MATN2: variants seen among roughly 807,000 people sequenced by gnomAD.
MATN2 encodes matrilin 2.
Under a neutral mutation model 103.2 loss-of-function variants are expected in MATN2, and 69 were observed. The observed-to-expected ratio is 0.67, with a 90% CI of 0.55 to 0.82. The LOEUF (loss-of-function observed/expected upper bound fraction) is 0.82, where lower values mean the gene tolerates loss of function less well. Among genes scored for constraint, MATN2 ranks in the 40% least tolerant of loss-of-function variants. The pLI, the probability that MATN2 is intolerant of heterozygous loss-of-function variation, is 0.00. For missense variants in MATN2, 1,023 were observed against 1,211.5 expected, an observed-to-expected ratio of 0.84 and a Z score of 2.31; for synonymous variants, 429 against 450.2, an observed-to-expected ratio of 0.95 and a Z score of 0.60.
At chr8:97,949,868 A>G (rs912880418) in intron 4 of MATN2, among the ~76,000 whole-genome samples, 6 of 152,206 alleles carry the variant, frequency 3.9e-5, no homozygotes. Flanking sequence ...ATGCATCTCC[A>G]AATCACTATG....
intron 4 of MATN2, 103 bp from the exon 5 acceptor site, chr8:97,961,305 T>C: frequency 8.3e-7 from 1 of 1,203,390 alleles, no homozygotes; most frequent in Non-Finnish European, 1.1e-6. Context: ...TTTTTAAAAG[T>C]TACTTTGGTG....
chr8:97,933,025 G>A (rs774620266), intron 3 of MATN2, among the ~76,000 whole-genome samples: 54 of 152,262 alleles, frequency 3.5e-4, no homozygotes, highest in Non-Finnish European at 6.3e-4. Flanking sequence ...AGCCCCCAGC[G>A]AAGAACAATG....
At chr8:97,965,942 C>G (rs1210632225) in intron 5 of MATN2, among the ~76,000 whole-genome samples, 1 of 152,064 alleles carries the variant, frequency 6.6e-6, no homozygotes, top group Admixed American at 6.6e-5. Flanking sequence ...CGAGATCGCA[C>G]CATTGCACTC....
chr8:97,890,763 C>T (rs1818601516), intron 2 of MATN2, among the ~76,000 whole-genome samples: 1 of 152,144 alleles, frequency 6.6e-6, no homozygotes, highest in African/African-American at 2.4e-5. Context: ...ATCATTTTGG[C>T]TGAAGTTATG....
intron 6 of MATN2, among the ~76,000 whole-genome samples, chr8:97,980,566 T>TC (rs1811985264): frequency 7.3e-6 from 1 of 136,862 alleles, no homozygotes; most frequent in Admixed American, 7.0e-5. Flanking sequence ...TCCTTTTTTT[T>TC]TTTTTTTTTT....
chr8:97,953,456 C>T (rs1266423262), intron 4 of MATN2, among the ~76,000 whole-genome samples: 5 of 152,164 alleles, frequency 3.3e-5, no homozygotes, highest in Non-Finnish European at 7.3e-5. Flanking sequence ...GCCTGTCCAA[C>T]ACGGTGAAAC....
chr8:97,881,225 G>A (rs925463369), intron 1 of MATN2, among the ~76,000 whole-genome samples: 1 of 152,178 alleles, frequency 6.6e-6, no homozygotes, highest in Non-Finnish European at 1.5e-5. Context: ...CAATGGTCTG[G>A]TTTAGATTGA....
intron 5 of MATN2, among the ~76,000 whole-genome samples, chr8:97,961,974 A>C (rs1563693658): frequency 6.6e-6 from 1 of 152,326 alleles, no homozygotes; most frequent in East Asian, 1.9e-4. Context: ...GACAGGCCAA[A>C]GTGACTGCCA....
rs757535676 is a variant in MATN2 at position 98,016,588 on chromosome 8, TAAGCAGTG to T, written c.1626_1633del (p.Ser542ArgfsTer9). ...GACCACGGTTGTGAACATTCGTGTG[TAAGCAGTG>T]AAGATTCGTTTGTGTGCCAGTGCTT... On this transcript the variant is annotated frameshift_variant, in exon 11 of 19. Coordinates refer to ENST00000254898, the MANE Select transcript of MATN2 (RefSeq NM_002380.5). LOFTEE classifies it high-confidence loss of function. 6.2e-7 allele frequency: 1 copy of T among 1,611,792 alleles called. No homozygotes were observed. The highest frequency in any genetic ancestry group is 2.2e-5 in the East Asian group (1 of 44,848).
chr8:97,977,580 G>A (rs62523563), intron 5 of MATN2, among the ~76,000 whole-genome samples: 3,919 of 152,048 alleles, frequency 0.026, 83 homozygotes, highest in Non-Finnish European at 0.039. Context: ...TGGGATTACT[G>A]GAGTCACTTT....
intron 1 of MATN2, among the ~76,000 whole-genome samples, chr8:97,870,674 C>G (rs1273172478): frequency 6.6e-6 from 1 of 152,210 alleles, no homozygotes; most frequent in Non-Finnish European, 1.5e-5. Context: ...AAGAGAGGCT[C>G]TCCATGGGTA....
chr8:97,953,120 G>A (rs1024569784), intron 4 of MATN2, among the ~76,000 whole-genome samples: 6 of 151,636 alleles, frequency 4.0e-5, no homozygotes, highest in Admixed American at 2.0e-4. Context: ...ACAAGATGTC[G>A]TTCTGTTGCC....
At position 97,993,308 on chromosome 8, in the gene MATN2, A is replaced by G. The variant is rs115922167; in HGVS notation, c.1082-1172A>G. On this transcript the variant is annotated intron_variant, in intron 6 of 18. Transcript: ENST00000254898. ...TAGGAAGATTATTTATGCAGTTCAA[A>G]TGTTCCTTAAAATAATAAAAACCCT... Among the ~76,000 whole-genome samples, 993 of 152,266 alleles carry G rather than the reference A, an allele frequency of 6.5e-3. 9 individuals carry two copies. The highest frequency in any genetic ancestry group is 0.022 in the African/African-American group (908 of 41,546).
chr8:97,972,476 C>T (rs115019838), intron 5 of MATN2, among the ~76,000 whole-genome samples: 281 of 152,212 alleles, frequency 1.8e-3, no homozygotes, highest in African/African-American at 6.7e-3. Flanking sequence ...AATGTATGCT[C>T]AGCAAGTAAA....
intron 2 of MATN2, among the ~76,000 whole-genome samples, chr8:97,908,379 G>A (rs1054777545): frequency 6.6e-6 from 1 of 152,228 alleles, no homozygotes; most frequent in Admixed American, 6.5e-5. Flanking sequence ...GGAGGCTGAA[G>A]TGGGAGGATT....
intron 4 of MATN2, among the ~76,000 whole-genome samples, chr8:97,959,116 A>G (rs996400684): frequency 1.3e-5 from 2 of 151,968 alleles, no homozygotes; most frequent in African/African-American, 4.8e-5. Context: ...ATCATGTCCT[A>G]CCTCGCATGT....
chr8:97,889,817 C>G (rs1456450041), intron 2 of MATN2, among the ~76,000 whole-genome samples: 1 of 151,940 alleles, frequency 6.6e-6, no homozygotes, highest in East Asian at 1.9e-4. Context: ...CAGGAAAAGC[C>G]ACCACACACT....
intron 4 of MATN2, among the ~76,000 whole-genome samples, chr8:97,942,767 T>G (rs1193058711): frequency 6.6e-6 from 1 of 152,216 alleles, no homozygotes. Flanking sequence ...GGCAAGCAAT[T>G]AAGCATTAAT....
chr8:98,003,640 G>A (rs1036254039), intron 7 of MATN2, 21 bp from the exon 8 acceptor site: 1 of 1,613,414 alleles, frequency 6.2e-7, no homozygotes, highest in Non-Finnish European at 8.5e-7. Context: ...CTGAAGGAAG[G>A]TCTGCCCTTC....
Sources: allele counts gnomAD v4.1 joint callset (sites outside exome capture counted in the v4.1 genomes callset), GRCh38; gene constraint gnomAD v4.1.1; transcripts MANE v1.5; gene names NCBI Gene and HGNC (gene_info 2026-07-23, HGNC 2026-07-21).